Variants in CLDN1 observed in about 807,000 individuals in gnomAD.
CLDN1 encodes claudin 1.
In CLDN1, 12 loss-of-function variants were observed where a neutral mutation model predicts 22.6. The ratio of observed to expected loss-of-function variants is 0.53; its 90% CI spans 0.34 to 0.86. The LOEUF is 0.86. Ranked by LOEUF, CLDN1 falls within the 40% of genes least tolerant of loss-of-function variation. CLDN1 has a pLI of 0.02. For missense variants in CLDN1, 250 were observed against 269.5 expected (o/e 0.93, Z 0.51); for synonymous variants, 99 against 103.8 (o/e 0.95, Z 0.28).
Position 190,313,038 on chromosome 3 carries a change from T to C in CLDN1, c.224-2A>G. On this transcript the variant is annotated splice_acceptor_variant, in intron 1 of 3. Coordinates refer to ENST00000295522, the MANE Select transcript of CLDN1 (RefSeq NM_021101.5). LOFTEE classifies it high-confidence loss of function. ...AGGCACGGGTTGCTTGCAATGTGCC[T>C]GGCAGAAAACATTTTAAAACATGTA... 6.2e-7 allele frequency: 1 copy of C among 1,614,128 alleles called. No individual in the cohort carries two copies.
intron 3 of CLDN1, 28 bp downstream of exon 3, chr3:190,310,141 A>G: frequency 6.3e-7 from 1 of 1,587,742 alleles, no homozygotes; most frequent in East Asian, 2.2e-5. Flanking sequence ...CTCAGAAAAC[A>G]AACTATTTTA....
In CLDN1 at chr3:190,321,965, G is replaced by T; in HGVS notation, c.223+19C>A. On this transcript the variant is annotated intron_variant, in intron 1 of 3. Coordinates refer to ENST00000295522, the MANE Select transcript of CLDN1 (RefSeq NM_021101.5). ...ACTGGGGCCTCTGGACGGCCGCTGT[G>T]AGGTGGGGGTGCACTCACTGCTCAG... 6.2e-7 allele frequency: 1 copy of T among 1,609,728 alleles called. No individual in the cohort carries two copies. Among genetic ancestry groups the T allele is most frequent in the African/African-American group, 1.3e-5 (1 of 74,974 alleles).
Position 190,318,445 on chromosome 3 carries a change from C to T in CLDN1, c.223+3539G>A, listed in dbSNP as rs180723283. ...TTAGAACTCATCTTAGCTGCACCAT[C>T]CTTAGCAGCAAGAATAGGGCCTAGC... On this transcript the variant is annotated intron_variant, in intron 1 of 3. Transcript: ENST00000295522. Among the ~76,000 whole-genome samples, 215 of 152,298 alleles carry T rather than the reference C, an allele frequency of 1.4e-3. 1 individual carries two copies. Among genetic ancestry groups the T allele is most frequent in the Non-Finnish European group, 2.3e-3 (155 of 68,032 alleles).
At position 190,322,082 on chromosome 3, in the gene CLDN1, G is replaced by C; in HGVS notation, c.125C>G (p.Thr42Ser). The change falls in exon 1 of 4, where the codon ACC (threonine) becomes AGC (serine). Residue 42 changes from threonine (T) to serine (S), a missense_variant. By Grantham distance (58) the Thr-to-Ser change is moderately conservative (BLOSUM62 1). Transcript: ENST00000295522. Reference sequence around the variant, plus strand: ...CAGCCCCTCGTACATGGCCTGGGCGGTCACGATGTTGTCGCCGGCATAGGA... The same window carrying C: ...CAGCCCCTCGTACATGGCCTGGGCGCTCACGATGTTGTCGCCGGCATAGGA... ...IYSYAGDNIVTAQAMYEGLWM... is the reference protein window; with the variant it reads ...IYSYAGDNIVSAQAMYEGLWM... 3.1e-6 allele frequency: 5 copies of C among 1,614,230 alleles called. No homozygotes were observed. Among genetic ancestry groups the C allele is most frequent in the Non-Finnish European group, 4.2e-6 (5 of 1,180,042 alleles).
rs1328111172 is a variant in CLDN1, at chr3:190,307,433, A to G, written c.*844T>C. ...GAACAGCATGCAGCTACTCAATTGG[A>G]CAAATATTTTCAAAGCAAACAAGAG... On this transcript the variant is annotated 3_prime_UTR_variant, in exon 4 of 4. Coordinates refer to ENST00000295522, the MANE Select transcript of CLDN1 (RefSeq NM_021101.5). The G allele has an allele frequency of 1.3e-5, 2 of 152,198 alleles. No homozygotes were observed. The highest frequency in any genetic ancestry group is 2.9e-5 in the Non-Finnish European group (2 of 68,026). The allele number at this position is 152,198 out of a possible 1,614,324, so 9.4% of individuals were successfully genotyped here. A position where few individuals can be genotyped will look rare whatever the true frequency, so the allele number is the denominator to read the frequency against.
At chr3:190,313,616 A>G (rs2108609566) in intron 1 of CLDN1, among the ~76,000 whole-genome samples, 1 of 152,330 alleles carries the variant, frequency 6.6e-6, no homozygotes, top group East Asian at 1.9e-4. Context: ...AGTGGGGAAG[A>G]ATATAGAAGT....
intron 3 of CLDN1, among the ~76,000 whole-genome samples, chr3:190,309,285 G>A (rs1716546605): frequency 2.0e-5 from 3 of 152,242 alleles, no homozygotes; most frequent in South Asian, 4.1e-4. Context: ...TTATTACCTT[G>A]GCGAAATTTT....
chr3:190,320,058 T>C (rs1451629773), intron 1 of CLDN1, among the ~76,000 whole-genome samples: 1 of 149,998 alleles, frequency 6.7e-6, no homozygotes, highest in South Asian at 2.1e-4. Flanking sequence ...TAGGAAGACA[T>C]CTCTAAAGTG....
chr3:190,308,372 G>C lies in CLDN1; in HGVS notation c.541C>G (p.Leu181Val). The change falls in exon 4 of 4, where the codon CTA (leucine) becomes GTA (valine). Residue 181 changes from leucine (L) to valine (V), a missense_variant. Transcript: ENST00000295522. ...TTTCGGGGACAGGAACAGCAAAGTAGGGCACCTCCCAGAAGGCAGAGAGAA... is the reference window on the plus strand; with the variant it reads ...TTTCGGGGACAGGAACAGCAAAGTACGGCACCTCCCAGAAGGCAGAGAGAA... ...AASLCLLGGALLCCSCPRKTT... is the reference protein window; with the variant it reads ...AASLCLLGGAVLCCSCPRKTT... The C allele has an allele frequency of 6.2e-7, 1 of 1,613,810 alleles. No individual in the cohort carries two copies.
intron 1 of CLDN1, among the ~76,000 whole-genome samples, chr3:190,317,503 T>C (rs540746286): frequency 1.7e-4 from 26 of 152,346 alleles, no homozygotes; most frequent in African/African-American, 5.5e-4. Flanking sequence ...TCAACAAATG[T>C]GTAGAAAGAC....
chr3:190,319,109 C>T (rs1175911345), intron 1 of CLDN1, among the ~76,000 whole-genome samples: 2 of 152,138 alleles, frequency 1.3e-5, no homozygotes, highest in African/African-American at 4.8e-5. Flanking sequence ...CCTACAGCAA[C>T]TCAATCTTTG....
intron 1 of CLDN1, among the ~76,000 whole-genome samples, chr3:190,315,777 CAGA>C (rs1716748974): frequency 6.6e-6 from 1 of 152,116 alleles, no homozygotes; most frequent in African/African-American, 2.4e-5. Context: ...CAAGTAAAAA[CAGA>C]AGGTCACTTG....
chr3:190,311,598 G>C (rs773260051), intron 2 of CLDN1, among the ~76,000 whole-genome samples: 6 of 150,956 alleles, frequency 4.0e-5, no homozygotes, highest in Non-Finnish European at 7.4e-5. Context: ...AATTATATCT[G>C]TTATTTTTTT....
Position 190,321,974 on chromosome 3 carries a change from G to A in CLDN1, c.223+10C>T, listed in dbSNP as rs578019590. 7.4e-6 allele frequency: 12 copies of A among 1,610,812 alleles called. No individual in the cohort carries two copies. In the South Asian group the frequency reaches 1.2e-4, roughly 16 times the overall value. Reference sequence around the variant, plus strand: ...TCTGGACGGCCGCTGTGAGGTGGGGGTGCACTCACTGCTCAGATTCAGCAA... The same window carrying A: ...TCTGGACGGCCGCTGTGAGGTGGGGATGCACTCACTGCTCAGATTCAGCAA... On this transcript the variant is annotated intron_variant, in intron 1 of 3. Coordinates refer to ENST00000295522, the MANE Select transcript of CLDN1 (RefSeq NM_021101.5).
At chr3:190,321,911 G>T (rs1716931768) in intron 1 of CLDN1, 73 bp downstream of exon 1, 1 of 1,107,028 alleles carries the variant, frequency 9.0e-7, no homozygotes, top group Non-Finnish European at 1.4e-6. Context: ...TCACACAACA[G>T]AATGAGCCCA....
At position 190,308,013 on chromosome 3, in the gene CLDN1, C is replaced by T. The variant is rs1716504732; in HGVS notation, c.*264G>A. On this transcript the variant is annotated 3_prime_UTR_variant, in exon 4 of 4. Transcript: ENST00000295522. ...ATATATTTAAGGAGCACCCCTTCCC[C>T]CAGTTGAGTATGATTACTCAATGGG... 1 of 407,852 alleles carries T rather than the reference C, an allele frequency of 2.5e-6. No homozygotes were observed. Among genetic ancestry groups the T allele is most frequent in the Admixed American group, 3.6e-5 (1 of 27,960 alleles). 25.3% of individuals were successfully genotyped at this position (407,852 alleles called of 1,614,324 possible).
chr3:190,322,175 A>T lies in CLDN1; in HGVS notation c.32T>A (p.Phe11Tyr), dbSNP rs1401183197. MANAGLQLLG[F>Y]ILAFLGWIGA... ...GATCCATCCCAGGAAGGCGAGAATG[A>T]AGCCCAACAGCTGCAGCCCCGCGTT... is the stretch of plus-strand genomic sequence containing the variant. The change falls in exon 1 of 4, where the codon TTC becomes TAC. Residue 11 changes from phenylalanine to tyrosine, a missense_variant. Transcript: ENST00000295522. The T allele has an allele frequency of 2.5e-6, 4 of 1,614,012 alleles. No homozygotes were observed. Among genetic ancestry groups the T allele is most frequent in the Non-Finnish European group, 3.4e-6 (4 of 1,180,050 alleles).
chr3:190,320,613 G>A (rs554180263), intron 1 of CLDN1, among the ~76,000 whole-genome samples: 1 of 152,126 alleles, frequency 6.6e-6, no homozygotes, highest in East Asian at 1.9e-4. Context: ...GGTATTCAAG[G>A]TGTTCAAACA....
rs9825088 is a variant in CLDN1, at chr3:190,307,811, T to C, written c.*466A>G. ...TGAAGAAGAGTAAATGATATTTGAC[T>C]GTTACATATGTATATATAGACGAAA... On this transcript the variant is annotated 3_prime_UTR_variant, in exon 4 of 4. Transcript: ENST00000295522. 0.046 allele frequency: 7,018 copies of C among 154,188 alleles called. 537 individuals are homozygous for C. The highest frequency in any genetic ancestry group is 0.16 in the African/African-American group (6,625 of 41,536). The allele number at this position is 154,188 out of a possible 1,614,324, so 9.6% of individuals were successfully genotyped here.
Sources: allele counts gnomAD v4.1 joint callset (sites outside exome capture counted in the v4.1 genomes callset), GRCh38; gene constraint gnomAD v4.1.1; transcripts MANE v1.5; gene names NCBI Gene and HGNC (gene_info 2026-07-23, HGNC 2026-07-21).